Variants in MACROD2 observed in about 807,000 individuals in gnomAD.
MACROD2 encodes ADP-ribose glycohydrolase MACROD2.
MACROD2 carries 36 observed loss-of-function variants against 70.4 expected under a neutral mutation model. That is an observed-to-expected ratio of 0.51 (90% CI 0.39 to 0.68). The LOEUF is 0.68. Among genes scored for constraint, MACROD2 ranks in the 30% least tolerant of loss-of-function variants. The pLI is 0.00. For synonymous variants in MACROD2, 172 were observed against 178.8 expected (o/e 0.96, Z 0.30); for missense variants, 496 against 538.4 (o/e 0.92, Z 0.78).
intron 3 of MACROD2, among the ~76,000 whole-genome samples, chr20:14,240,121 C>A (rs760418631): frequency 6.6e-6 from 1 of 152,254 alleles, no homozygotes; most frequent in South Asian, 2.1e-4. Flanking sequence ...AAACAATAAT[C>A]AACAACCACA....
chr20:16,035,109 A>AATG (rs2067209043), intron 15 of MACROD2, among the ~76,000 whole-genome samples: 2 of 31,252 alleles, frequency 6.4e-5, no homozygotes, highest in Non-Finnish European at 2.1e-4. Flanking sequence ...TATATTATAT[A>AATG]TAAAATATAA....
At chr20:15,176,021 C>G (rs1379813319) in intron 5 of MACROD2, among the ~76,000 whole-genome samples, 2 of 152,228 alleles carry the variant, frequency 1.3e-5, no homozygotes, top group Non-Finnish European at 2.9e-5. Context: ...TCCCTGCTCC[C>G]AGTACCCTCT....
chr20:16,049,868 A>G lies in MACROD2; in HGVS notation c.1339A>G (p.Thr447Ala). 1 of 1,604,560 alleles carries G rather than the reference A, an allele frequency of 6.2e-7. No individual in the cohort carries two copies. The highest frequency in any genetic ancestry group is 8.5e-7 in the Non-Finnish European group (1 of 1,174,692). ...TGAAGCGAAGGAACAAAGAAATGGA[A>G]CTAAATGACAATCCTCAGCATCGCA... ...QDEAKEQRNG[T>A]K The change falls in exon 18 of 18, where the codon ACT (threonine) becomes GCT (alanine). Residue 447 changes from threonine (T) to alanine (A), a missense_variant. By Grantham distance (58) the Thr-to-Ala change is moderately conservative (BLOSUM62 0). Transcript: ENST00000684519.
chr20:15,345,805 G>C (rs2078159531), intron 6 of MACROD2, among the ~76,000 whole-genome samples: 1 of 152,226 alleles, frequency 6.6e-6, no homozygotes, highest in Non-Finnish European at 1.5e-5. Context: ...ATTAGAGACT[G>C]CTGCTTTTGA....
In MACROD2 at chr20:14,992,042, C is replaced by T. The variant is rs377324320; in HGVS notation, c.419-237898C>T. The stretch of plus-strand genomic sequence containing the variant: ...GAGAGGATAGAGTCAGGTGTTAACG[C>T]ATATATGTACACATAACTACAAATT... On this transcript the variant is annotated intron_variant, in intron 5 of 17. Transcript: ENST00000684519. Among the ~76,000 whole-genome samples the T allele has an allele frequency of 6.6e-5, 10 of 152,186 alleles. No individual in the cohort carries two copies. In the East Asian group the frequency reaches 1.9e-3, roughly 29 times the overall value.
At chr20:14,152,321 C>T (rs780364641) in intron 3 of MACROD2, among the ~76,000 whole-genome samples, 2 of 152,052 alleles carry the variant, frequency 1.3e-5, no homozygotes, top group Non-Finnish European at 2.9e-5. Flanking sequence ...ACAATCTAGT[C>T]TATCATATTT....
intron 6 of MACROD2, among the ~76,000 whole-genome samples, chr20:15,389,789 C>A (rs1205992529): frequency 6.6e-6 from 1 of 152,168 alleles, no homozygotes; most frequent in African/African-American, 2.4e-5. Flanking sequence ...TGAAGCAATA[C>A]CGTTAATTAT....
At chr20:14,311,897 T>C (rs1034416237) in intron 3 of MACROD2, among the ~76,000 whole-genome samples, 3 of 152,168 alleles carry the variant, frequency 2.0e-5, no homozygotes, top group Non-Finnish European at 2.9e-5. Context: ...TTTTTAAGAG[T>C]AGGTTTCTTT....
intron 3 of MACROD2, among the ~76,000 whole-genome samples, chr20:14,179,841 G>A (rs2081292426): frequency 6.6e-6 from 1 of 152,072 alleles, no homozygotes; most frequent in South Asian, 2.1e-4. Flanking sequence ...CTGACAAGAT[G>A]GGATGCTCAG....
At chr20:14,879,821 A>T (rs376188915) in intron 5 of MACROD2, among the ~76,000 whole-genome samples, 3 of 152,176 alleles carry the variant, frequency 2.0e-5, no homozygotes, top group African/African-American at 7.2e-5. Context: ...ACTGATGATT[A>T]AAAACAAACT....
At chr20:15,221,799 G>A (rs2076864027) in intron 5 of MACROD2, among the ~76,000 whole-genome samples, 1 of 151,722 alleles carries the variant, frequency 6.6e-6, no homozygotes. Flanking sequence ...CATATTATCA[G>A]CACATGATGC....
intron 8 of MACROD2, among the ~76,000 whole-genome samples, chr20:15,557,672 C>G (rs1427023919): frequency 6.6e-6 from 1 of 152,186 alleles, no homozygotes; most frequent in Admixed American, 6.5e-5. Context: ...CACATGTTTA[C>G]TATAGAGAGC....
At chr20:15,176,267 A>G (rs1187388108) in intron 5 of MACROD2, among the ~76,000 whole-genome samples, 1 of 152,202 alleles carries the variant, frequency 6.6e-6, no homozygotes, top group Non-Finnish European at 1.5e-5. Flanking sequence ...TGATGGCAGC[A>G]GAAGGCAGAC....
intron 5 of MACROD2, among the ~76,000 whole-genome samples, chr20:15,055,193 G>T (rs1385043931): frequency 6.6e-6 from 1 of 152,014 alleles, no homozygotes; most frequent in Non-Finnish European, 1.5e-5. Context: ...CAAGTGATCC[G>T]CCCACCTTGG....
chr20:14,833,090 A>G (rs375056), intron 5 of MACROD2, among the ~76,000 whole-genome samples: 14,673 of 152,240 alleles, frequency 0.096, 978 homozygotes, highest in Non-Finnish European at 0.14. Context: ...CTGAGGAATT[A>G]CATTTTTAGC....
chr20:15,869,238 T>TATATATATATAGAG lies in MACROD2; in HGVS notation c.727+6413_727+6414insTATATATATAGAGA. The stretch of plus-strand genomic sequence containing the variant: ...ATATATATATATATATATATATATA[T>TATATATATATAGAG]AGAGAGAGAGAGAGAGAGAGAGAGA... On this transcript the variant is annotated intron_variant, in intron 9 of 17. Transcript: ENST00000684519. 1.7e-3 allele frequency among the ~76,000 whole-genome samples: 49 copies of TATATATATATAGAG among 28,290 alleles called. 2 individuals are homozygous for TATATATATATAGAG. Among genetic ancestry groups the TATATATATATAGAG allele is most frequent in the East Asian group, 2.8e-3 (3 of 1,062 alleles). The allele number at this position is 28,290 out of a possible 152,430, so 18.6% of individuals were successfully genotyped here.
chr20:14,655,028 T>G (rs990920805), intron 4 of MACROD2, among the ~76,000 whole-genome samples: 1 of 149,078 alleles, frequency 6.7e-6, no homozygotes, highest in African/African-American at 2.5e-5. Flanking sequence ...CACAGGGTTG[T>G]TTTTTTTTTA....
At chr20:16,022,499 A>G (rs1311480499) in intron 15 of MACROD2, among the ~76,000 whole-genome samples, 2 of 152,198 alleles carry the variant, frequency 1.3e-5, no homozygotes, top group African/African-American at 4.8e-5. Flanking sequence ...ATGACTCTCA[A>G]GCTTTTACAT....
At chr20:15,603,452 G>T (rs984505019) in intron 8 of MACROD2, among the ~76,000 whole-genome samples, 4 of 149,166 alleles carry the variant, frequency 2.7e-5, no homozygotes, top group African/African-American at 7.5e-5. Context: ...AGGCTGCAGT[G>T]AGCCAAGATT....
Sources: allele counts gnomAD v4.1 joint callset (sites outside exome capture counted in the v4.1 genomes callset), GRCh38; gene constraint gnomAD v4.1.1; transcripts MANE v1.5; gene names NCBI Gene and HGNC (gene_info 2026-07-23, HGNC 2026-07-21).